TM9SF4: variants seen among roughly 807,000 people sequenced by gnomAD.
The protein encoded by TM9SF4 is transmembrane 9 superfamily member 4.
In TM9SF4, 26 loss-of-function variants were observed where a neutral mutation model predicts 90.4. The ratio of observed to expected loss-of-function variants is 0.29; its 90% confidence interval spans 0.21 to 0.40. TM9SF4 has a LOEUF of 0.40. Among genes scored for constraint, TM9SF4 ranks in the 10% least tolerant of loss-of-function variants. The pLI is 1.00. For missense variants in TM9SF4, 549 were observed against 834.8 expected (o/e 0.66, Z 4.22); for synonymous variants, 293 against 315.4 (o/e 0.93, Z 0.75).
At chr20:32,156,914 T>C (rs1397981483) in intron 13 of TM9SF4, among the ~76,000 whole-genome samples, 1 of 149,332 alleles carries the variant, frequency 6.7e-6, no homozygotes, top group Non-Finnish European at 1.5e-5. Context: ...GCTTATTTTA[T>C]TGTATTTTTT....
In TM9SF4 at chr20:32,141,826, T is replaced by C. The variant is rs773164586; in HGVS notation, c.459T>C (p.Asp153=). The C allele has an allele frequency of 5.0e-6, 8 of 1,613,550 alleles. No homozygotes were observed. The highest frequency in any genetic ancestry group is 6.8e-6 in the Non-Finnish European group (8 of 1,179,870). The part of the protein sequence containing the change: ...RLELYSNRDS[D]DKKKEKDVQF... Reference sequence around the variant, plus strand: ...AGCTCTACTCCAACCGAGACAGCGATGACAAGAAGAAGGAAAAAGATGTGC... The same window carrying C: ...AGCTCTACTCCAACCGAGACAGCGACGACAAGAAGAAGGAAAAAGATGTGC... The change falls in exon 5 of 18, where the codon GAT becomes GAC. Residue 153 remains aspartate (D), a synonymous_variant. Coordinates refer to ENST00000398022, the MANE Select transcript of TM9SF4 (RefSeq NM_014742.4).
chr20:32,162,431 G>A (rs948747177), intron 17 of TM9SF4, among the ~76,000 whole-genome samples: 21 of 152,306 alleles, frequency 1.4e-4, no homozygotes, highest in African/African-American at 4.8e-4. Flanking sequence ...TGCAGCCCGC[G>A]TGGGCCAGCA....
intron 9 of TM9SF4, among the ~76,000 whole-genome samples, 193 bp from the exon 10 acceptor site, chr20:32,149,441 T>C (rs1414212953): frequency 6.6e-6 from 1 of 152,236 alleles, no homozygotes; most frequent in East Asian, 1.9e-4. Context: ...CTTTTACGCA[T>C]CTACAGGCAT....
chr20:32,123,866 A>ATATATATATTTTTTTT, intron 1 of TM9SF4, among the ~76,000 whole-genome samples: 4 of 93,962 alleles, frequency 4.3e-5, no homozygotes, highest in East Asian at 7.4e-4. Flanking sequence ...ATATATATAT[A>ATATATATATTTTTTTT]TTTTTTTTTT....
intron 3 of TM9SF4, among the ~76,000 whole-genome samples, chr20:32,140,890 G>A (rs529531751): frequency 6.6e-6 from 1 of 152,236 alleles, no homozygotes; most frequent in African/African-American, 2.4e-5. Context: ...GGAACTCTAG[G>A]AGAAGGAAGC....
intron 13 of TM9SF4, among the ~76,000 whole-genome samples, chr20:32,155,452 C>T (rs1054261440): frequency 3.3e-5 from 5 of 152,220 alleles, no homozygotes; most frequent in East Asian, 1.9e-4. Context: ...CACAGTCCAG[C>T]GGCCAACTGG....
At chr20:32,133,290 C>A (rs1441803718) in intron 2 of TM9SF4, among the ~76,000 whole-genome samples, 164 bp downstream of exon 2, 2 of 152,108 alleles carry the variant, frequency 1.3e-5, no homozygotes, top group African/African-American at 4.8e-5. Context: ...TTCTCGGTCC[C>A]CTCTCTGTTT....
intron 1 of TM9SF4, among the ~76,000 whole-genome samples, chr20:32,130,066 A>G (rs879115993): frequency 2.2e-4 from 33 of 152,202 alleles, no homozygotes; most frequent in Non-Finnish European, 3.5e-4. Flanking sequence ...GTTCCAGTTT[A>G]TAATGCCTAT....
chr20:32,109,889 T>A (rs2046114702), intron 1 of TM9SF4, 134 bp downstream of exon 1: 1 of 1,496,878 alleles, frequency 6.7e-7, no homozygotes, highest in African/African-American at 1.4e-5. Context: ...TACCTCTGAC[T>A]GGGCTTGTCT....
rs527404369 is a variant in TM9SF4 at position 32,122,049 on chromosome 20, C to T, written c.16-10964C>T. Among the ~76,000 whole-genome samples the T allele has an allele frequency of 2.2e-4, 31 of 142,428 alleles. No individual in the cohort carries two copies. The East Asian group carries it at 6.0e-3, about 28-fold the overall frequency. 93.4% of individuals were successfully genotyped at this position (142,428 alleles called of 152,430 possible). On this transcript the variant is annotated intron_variant, in intron 1 of 17. Transcript: ENST00000398022. Reference sequence around the variant, plus strand: ...GGGGGCTGACCCCCCCACCTCCCTCCGGGACGGGGCAGCTGGCCAGGCAGA... The same window carrying T: ...GGGGGCTGACCCCCCCACCTCCCTCTGGGACGGGGCAGCTGGCCAGGCAGA...
At chr20:32,158,331 CAGA>C in intron 14 of TM9SF4, 117 bp from the exon 15 acceptor site, 1 of 986,888 alleles carries the variant, frequency 1.0e-6, no homozygotes, top group South Asian at 1.4e-5. Flanking sequence ...AGAAATATGC[CAGA>C]AGAATTAGCA....
intron 1 of TM9SF4, among the ~76,000 whole-genome samples, chr20:32,113,700 G>A (rs556197588): frequency 3.3e-5 from 5 of 152,036 alleles, no homozygotes; most frequent in South Asian, 2.1e-4. Context: ...CCCCTTTAAA[G>A]TATATAATTT....
In TM9SF4 at chr20:32,158,469, C is replaced by T; in HGVS notation, c.1524C>T (p.Ile508=). 2 of 1,614,202 alleles carry T rather than the reference C, an allele frequency of 1.2e-6. No homozygotes were observed. The highest frequency in any genetic ancestry group is 1.7e-6 in the Non-Finnish European group (2 of 1,180,042). Residue 508 remains isoleucine, a synonymous_variant, in exon 15 of 18, where the codon ATC becomes ATT. Coordinates refer to ENST00000398022, the MANE Select transcript of TM9SF4 (RefSeq NM_014742.4). ...NRFVGILMAG[I]LPFGAMFIEL... ...GTGGCAGCATCCTCATGGCTGGGAT[C>T]TTGCCCTTCGGCGCCATGTTCATCG...
At chr20:32,136,910 GC>G in intron 3 of TM9SF4, 4 of 471,172 alleles carry the variant, frequency 8.5e-6, no homozygotes, top group Non-Finnish European at 1.8e-5. Context: ...TCTTGAGCAA[GC>G]CCCTGAAAGG....
rs1303746453 is a variant in TM9SF4 at position 32,142,374 on chromosome 20, C to T, written c.528+479C>T. Among the ~76,000 whole-genome samples the T allele has an allele frequency of 2.0e-5, 3 of 152,246 alleles. No individual in the cohort carries two copies. In the East Asian group the frequency reaches 5.8e-4, roughly 29 times the overall value. ...CAGCTAATAATGTGATGATTATAGC[C>T]CTGATTCTCTTATCTTTCTTTCTAA... On this transcript the variant is annotated intron_variant, in intron 5 of 17. Transcript: ENST00000398022.
intron 1 of TM9SF4, among the ~76,000 whole-genome samples, chr20:32,122,133 G>A (rs1462334981): frequency 2.8e-5 from 4 of 140,708 alleles, no homozygotes; most frequent in East Asian, 4.3e-4. Context: ...CCTCCCAGAC[G>A]GGGCAGCTGG....
At chr20:32,115,773 T>G (rs1309613690) in intron 1 of TM9SF4, among the ~76,000 whole-genome samples, 1 of 151,986 alleles carries the variant, frequency 6.6e-6, no homozygotes, top group Non-Finnish European at 1.5e-5. Context: ...TTAAAATTTT[T>G]TATTGTGGTA....
Position 32,146,847 on chromosome 20 carries a change from G to T in TM9SF4, c.946G>T (p.Asp316Tyr), listed in dbSNP as rs146506651. Reference protein sequence around the residue: ...RKDIANYNKEDDIEDTMEESG... With the variant: ...RKDIANYNKEYDIEDTMEESG... ...GGACATTGCCAACTACAACAAGGAG[G>T]ATGACATTGTACGAGGTCTTGGCTG... Residue 316 changes from aspartate to tyrosine, a missense_variant, in exon 9 of 18, where the codon GAT becomes TAT. Physicochemically the swap from Asp to Tyr is radical, Grantham distance 160 (BLOSUM62 -3). Transcript: ENST00000398022. 1 of 1,613,922 alleles carries T rather than the reference G, an allele frequency of 6.2e-7. No individual in the cohort carries two copies. The highest frequency in any genetic ancestry group is 1.1e-5 in the South Asian group (1 of 90,968).
At chr20:32,123,986 C>A (rs964529060) in intron 1 of TM9SF4, among the ~76,000 whole-genome samples, 4 of 151,452 alleles carry the variant, frequency 2.6e-5, no homozygotes, top group African/African-American at 9.7e-5. Context: ...CCTCAGCCTC[C>A]CAAGTAGCTA....
Sources: allele counts gnomAD v4.1 joint callset (sites outside exome capture counted in the v4.1 genomes callset), GRCh38; gene constraint gnomAD v4.1.1; transcripts MANE v1.5; gene names NCBI Gene and HGNC (gene_info 2026-07-23, HGNC 2026-07-21).